NRG1: variants seen among roughly 807,000 people sequenced by gnomAD.
NRG1 encodes the protein pro-neuregulin-1, membrane-bound isoform.
A neutral mutation model predicts 63.8 loss-of-function variants in NRG1; 18 were observed. That is an observed-to-expected ratio of 0.28 (90% CI 0.19 to 0.42). NRG1 has a LOEUF of 0.42. NRG1 is among the 10% of genes least tolerant of loss of function. The pLI is 1.00. For missense variants in NRG1, 762 were observed against 814.7 expected, an observed-to-expected ratio of 0.94 and a Z score of 0.79; for synonymous variants, 302 against 301.3, an observed-to-expected ratio of 1.00 and a Z score of -0.02.
intron 1 of NRG1, among the ~76,000 whole-genome samples, chr8:32,015,741 C>T (rs1366191071): frequency 6.6e-6 from 1 of 152,114 alleles, no homozygotes; most frequent in African/African-American, 2.4e-5. Context: ...CTGACTCTAT[C>T]TGATCTAGTT....
intron 7 of NRG1, among the ~76,000 whole-genome samples, chr8:32,753,531 C>T (rs1287080139): frequency 6.6e-6 from 1 of 152,160 alleles, no homozygotes; most frequent in Middle Eastern, 3.2e-3. Flanking sequence ...CCAAATCACA[C>T]ATCATTTGTA....
intron 1 of NRG1, among the ~76,000 whole-genome samples, chr8:31,949,195 A>T (rs2129622678): frequency 6.6e-6 from 1 of 152,306 alleles, no homozygotes; most frequent in Admixed American, 6.5e-5. Context: ...TAATCCTAAC[A>T]AATTCATGAA....
chr8:32,138,142 G>A (rs1259705511), intron 1 of NRG1, among the ~76,000 whole-genome samples: 2 of 151,966 alleles, frequency 1.3e-5, no homozygotes, highest in Non-Finnish European at 1.5e-5. Flanking sequence ...TACATATTTA[G>A]CAATCACATC....
intron 1 of NRG1, among the ~76,000 whole-genome samples, chr8:31,843,452 G>A (rs1384123877): frequency 1.3e-5 from 2 of 152,218 alleles, no homozygotes; most frequent in East Asian, 3.9e-4. Flanking sequence ...CTGACTAGTG[G>A]TGGCCTACTT....
intron 1 of NRG1, among the ~76,000 whole-genome samples, chr8:31,928,869 C>T (rs1039902152): frequency 4.6e-5 from 7 of 152,078 alleles, no homozygotes; most frequent in South Asian, 2.1e-4. Context: ...GACTAAGAAG[C>T]GGGGAGGCTG....
intron 1 of NRG1, among the ~76,000 whole-genome samples, chr8:31,699,423 T>C (rs1323440015): frequency 6.6e-6 from 1 of 152,198 alleles, no homozygotes; most frequent in Non-Finnish European, 1.5e-5. Flanking sequence ...AGAATTCTGA[T>C]AGTAAGAAAA....
chr8:32,620,588 C>G (rs1848164218), intron 5 of NRG1, among the ~76,000 whole-genome samples: 1 of 150,158 alleles, frequency 6.7e-6, no homozygotes, highest in Admixed American at 6.6e-5. Flanking sequence ...TTTGAGAGGC[C>G]AAAGAGGGAG....
intron 5 of NRG1, among the ~76,000 whole-genome samples, chr8:32,697,862 G>T (rs902935798): frequency 1.3e-5 from 2 of 152,116 alleles, no homozygotes; most frequent in Admixed American, 6.6e-5. Context: ...ACAAATTTCA[G>T]TGCCATCACT....
intron 1 of NRG1, among the ~76,000 whole-genome samples, chr8:31,942,506 AG>A (rs1167999057): frequency 3.3e-5 from 5 of 152,190 alleles, no homozygotes; most frequent in Non-Finnish European, 7.4e-5. Context: ...AGAACCCAAA[AG>A]TAAATGCAAC....
Position 32,404,473 on chromosome 8 carries a change from G to A in NRG1, c.38-191355G>A, listed in dbSNP as rs1214077562. ...TGCATTCGGTTCATGAATATATGAG[G>A]GAACCTGCTGCTGCTGTTCAGCATT... On this transcript the variant is annotated intron_variant, in intron 1 of 10. Coordinates refer to the NRG1 transcript ENST00000519301. Among the ~76,000 whole-genome samples, 8 of 151,912 alleles carry A rather than the reference G, an allele frequency of 5.3e-5. No homozygotes were observed. The South Asian group carries it at 1.5e-3, about 28-fold the overall frequency.
intron 1 of NRG1, among the ~76,000 whole-genome samples, chr8:32,139,716 T>G (rs956476210): frequency 2.0e-5 from 3 of 152,070 alleles, no homozygotes; most frequent in Admixed American, 1.3e-4. Flanking sequence ...ACTAAAGGAC[T>G]TACCCACGTA....
chr8:32,576,463 T>C (rs1839654711), intron 1 of NRG1, among the ~76,000 whole-genome samples: 1 of 152,214 alleles, frequency 6.6e-6, no homozygotes, highest in Non-Finnish European at 1.5e-5. Context: ...CATTTGTCTC[T>C]TTCTACAAGA....
intron 1 of NRG1, among the ~76,000 whole-genome samples, chr8:32,526,365 A>G (rs1366110783): frequency 6.6e-6 from 1 of 152,214 alleles, no homozygotes; most frequent in African/African-American, 2.4e-5. Context: ...AATCAAAGCT[A>G]GCAATGGTGA....
chr8:32,734,250 A>G (rs536984990), intron 6 of NRG1, among the ~76,000 whole-genome samples: 2 of 152,324 alleles, frequency 1.3e-5, no homozygotes, highest in South Asian at 4.1e-4. Flanking sequence ...GATGCTGATG[A>G]TAGTAACTTT....
At chr8:32,606,815 C>T (rs1050556535) in intron 3 of NRG1, among the ~76,000 whole-genome samples, 11 of 152,000 alleles carry the variant, frequency 7.2e-5, no homozygotes, top group African/African-American at 2.7e-4. Flanking sequence ...GGTAAAAATG[C>T]CAGGTCAGCA....
chr8:32,714,776 A>G (rs1274597445), intron 5 of NRG1, among the ~76,000 whole-genome samples: 2 of 152,146 alleles, frequency 1.3e-5, no homozygotes, highest in South Asian at 2.1e-4. Context: ...GCATGCACAC[A>G]CACACAAACA....
At chr8:31,750,507 A>G (rs1816343424) in intron 1 of NRG1, among the ~76,000 whole-genome samples, 1 of 152,008 alleles carries the variant, frequency 6.6e-6, no homozygotes, top group Non-Finnish European at 1.5e-5. Context: ...TAAGAGCTGA[A>G]TGATTAGAAA....
intron 1 of NRG1, among the ~76,000 whole-genome samples, chr8:31,787,759 T>C (rs187889139): frequency 1.1e-4 from 17 of 152,306 alleles, no homozygotes; most frequent in African/African-American, 3.8e-4. Context: ...TTCAGGGCAG[T>C]CACTTGTTTT....
intron 1 of NRG1, among the ~76,000 whole-genome samples, chr8:32,465,759 AG>A (rs138928784): frequency 0.034 from 5,212 of 152,302 alleles, 304 homozygotes; most frequent in African/African-American, 0.12. Flanking sequence ...GAACAGAAAA[AG>A]TCCAACATTA....
Sources: gnomAD v4.1 joint callset for allele counts (sites outside exome capture counted in the v4.1 genomes callset) on GRCh38, gnomAD v4.1.1 for gene constraint, MANE v1.5 for transcripts, NCBI Gene and HGNC (gene_info 2026-07-23, HGNC 2026-07-21) for gene names.